CNTNAP2: variants seen among roughly 807,000 people sequenced by gnomAD.
CNTNAP2 encodes contactin associated protein 2.
CNTNAP2 carries 98 observed loss-of-function variants against 155.2 expected under a neutral mutation model. That is an observed-to-expected ratio of 0.63 (90% CI 0.54 to 0.75). CNTNAP2 has a LOEUF of 0.75. CNTNAP2 is among the 30% of genes least tolerant of loss of function. CNTNAP2 has a pLI of 0.00. For missense variants in CNTNAP2, 1,727 were observed against 1,688.1 expected, an observed-to-expected ratio of 1.02 and a Z score of -0.40; for synonymous variants, 651 against 631.2, an observed-to-expected ratio of 1.03 and a Z score of -0.47.
chr7:147,724,856 T>A (rs990225341), intron 13 of CNTNAP2, among the ~76,000 whole-genome samples: 2 of 151,756 alleles, frequency 1.3e-5, no homozygotes, highest in Non-Finnish European at 2.9e-5. Context: ...TACTGTGAGT[T>A]GTTGAAAAGG....
At chr7:146,443,627 G>A (rs1796359684) in intron 1 of CNTNAP2, among the ~76,000 whole-genome samples, 1 of 152,144 alleles carries the variant, frequency 6.6e-6, no homozygotes, top group African/African-American at 2.4e-5. Context: ...TTGTAACAAA[G>A]GCTATTTGGA....
chr7:147,973,789 G>T (rs183981463), intron 14 of CNTNAP2, among the ~76,000 whole-genome samples: 1 of 152,080 alleles, frequency 6.6e-6, no homozygotes, highest in South Asian at 2.1e-4. Context: ...GTCCAAGGAG[G>T]GGATCCAGAT....
chr7:147,271,460 A>C (rs1237783844), intron 8 of CNTNAP2, among the ~76,000 whole-genome samples: 1 of 152,092 alleles, frequency 6.6e-6, no homozygotes, highest in Non-Finnish European at 1.5e-5. Context: ...TGCCAGCCAA[A>C]CTGCACTACA....
chr7:147,288,474 G>A (rs540677876), intron 8 of CNTNAP2, among the ~76,000 whole-genome samples: 3 of 152,156 alleles, frequency 2.0e-5, no homozygotes, highest in East Asian at 1.9e-4. Context: ...AAATTTACAC[G>A]TTCCTCTCTT....
chr7:146,466,379 A>G (rs937537459), intron 1 of CNTNAP2, among the ~76,000 whole-genome samples: 4 of 152,178 alleles, frequency 2.6e-5, no homozygotes, highest in African/African-American at 9.7e-5. Flanking sequence ...CATCTTTCCT[A>G]TACACAATTT....
intron 17 of CNTNAP2, among the ~76,000 whole-genome samples, chr7:148,159,255 A>G (rs1805465696): frequency 6.6e-6 from 1 of 151,942 alleles, no homozygotes; most frequent in African/African-American, 2.4e-5. Context: ...TTTCTTCACC[A>G]TTGCCAGCTT....
intron 21 of CNTNAP2, among the ~76,000 whole-genome samples, chr7:148,284,686 C>A (rs1266232697): frequency 6.6e-6 from 1 of 151,690 alleles, no homozygotes; most frequent in African/African-American, 2.4e-5. Flanking sequence ...ATCTTAAGGT[C>A]CGTGGAAGGG....
chr7:147,511,715 G>T (rs564677163), intron 11 of CNTNAP2, among the ~76,000 whole-genome samples: 20 of 152,150 alleles, frequency 1.3e-4, no homozygotes, highest in Non-Finnish European at 2.4e-4. Flanking sequence ...ATACTTAGTC[G>T]CTGTGTAGAT....
intron 13 of CNTNAP2, among the ~76,000 whole-genome samples, chr7:147,829,739 G>A (rs538236340): frequency 1.7e-4 from 26 of 152,156 alleles, no homozygotes; most frequent in South Asian, 1.0e-3. Flanking sequence ...AGGAGCATAC[G>A]GTCAACTTTC....
intron 1 of CNTNAP2, among the ~76,000 whole-genome samples, chr7:146,406,522 G>C (rs891485673): frequency 6.6e-6 from 1 of 152,164 alleles, no homozygotes; most frequent in African/African-American, 2.4e-5. Context: ...AAAGCACGTA[G>C]AATAAGGAGC....
chr7:148,095,991 G>T (rs1336225487), intron 15 of CNTNAP2, among the ~76,000 whole-genome samples: 1 of 152,224 alleles, frequency 6.6e-6, no homozygotes, highest in Non-Finnish European at 1.5e-5. Context: ...AAAGAGTCAT[G>T]AAGTAGTTTA....
At position 147,262,123 on chromosome 7, in the gene CNTNAP2, C is replaced by T. The variant is rs75701688; in HGVS notation, c.1349-38018C>T. Among the ~76,000 whole-genome samples the T allele has an allele frequency of 8.3e-3, 1,265 of 152,146 alleles. 23 individuals are homozygous for T. Among genetic ancestry groups the T allele is most frequent in the African/African-American group, 0.028 (1,178 of 41,514 alleles). ...ATGTAGACTGTTGTTCTTAGGACCACAATTCAAAGAGGAAGTGTAAGACAA... is the reference window on the plus strand; with the variant it reads ...ATGTAGACTGTTGTTCTTAGGACCATAATTCAAAGAGGAAGTGTAAGACAA... On this transcript the variant is annotated intron_variant, in intron 8 of 23. Coordinates refer to ENST00000361727, the MANE Select transcript of CNTNAP2 (RefSeq NM_014141.6).
chr7:146,761,314 G>T (rs1802093897), intron 1 of CNTNAP2, among the ~76,000 whole-genome samples: 1 of 151,624 alleles, frequency 6.6e-6, no homozygotes, highest in South Asian at 2.1e-4. Context: ...AGGAAGGAAG[G>T]AAGGAAGGAA....
At chr7:147,324,507 A>AG (rs1486455741) in intron 9 of CNTNAP2, among the ~76,000 whole-genome samples, 2 of 151,804 alleles carry the variant, frequency 1.3e-5, no homozygotes, top group Non-Finnish European at 2.9e-5. Context: ...TAATTTATAG[A>AG]AAGGTGTGTT....
chr7:147,154,437 A>G (rs919200352), intron 8 of CNTNAP2, among the ~76,000 whole-genome samples: 6 of 152,214 alleles, frequency 3.9e-5, no homozygotes, highest in African/African-American at 1.2e-4. Context: ...AGTACTGTTT[A>G]AAGGAAGTAT....
intron 13 of CNTNAP2, among the ~76,000 whole-genome samples, chr7:147,865,380 A>G (rs1273430814): frequency 6.6e-6 from 1 of 152,136 alleles, no homozygotes; most frequent in African/African-American, 2.4e-5. Context: ...ATATTGGTCT[A>G]AAATTCTCTT....
intron 1 of CNTNAP2, among the ~76,000 whole-genome samples, chr7:146,272,413 A>G (rs774621766): frequency 6.6e-6 from 1 of 152,142 alleles, no homozygotes; most frequent in Non-Finnish European, 1.5e-5. Flanking sequence ...GCTAACCCAT[A>G]TTACATTGCA....
intron 1 of CNTNAP2, among the ~76,000 whole-genome samples, chr7:146,483,639 G>A (rs1797012749): frequency 6.6e-6 from 1 of 150,648 alleles, no homozygotes; most frequent in African/African-American, 2.4e-5. Context: ...ATATAATAAG[G>A]AATCTTAACC....
At chr7:148,351,021 G>A (rs939375573) in intron 21 of CNTNAP2, among the ~76,000 whole-genome samples, 3 of 152,218 alleles carry the variant, frequency 2.0e-5, no homozygotes, top group Non-Finnish European at 4.4e-5. Context: ...AGATACAAGC[G>A]AGCGAGAGAG....
Sources: allele counts gnomAD v4.1 joint callset (sites outside exome capture counted in the v4.1 genomes callset), GRCh38; gene constraint gnomAD v4.1.1; transcripts MANE v1.5; gene names NCBI Gene and HGNC (gene_info 2026-07-23, HGNC 2026-07-21).